LRRC4C: variants seen among roughly 807,000 people sequenced by gnomAD.
LRRC4C encodes leucine-rich repeat-containing protein 4C.
A neutral mutation model predicts 33.6 loss-of-function variants in LRRC4C; 5 were observed. That is an observed-to-expected ratio of 0.15 (90% CI 0.08 to 0.31). The LOEUF is 0.31. Ranked by LOEUF, LRRC4C falls within the 10% of genes least tolerant of loss-of-function variation. The pLI, the probability that LRRC4C is intolerant of heterozygous loss-of-function variation, is 1.00. For missense variants in LRRC4C, 560 were observed against 796.7 expected, an observed-to-expected ratio of 0.70 and a Z score of 3.58; for synonymous variants, 329 against 302.0, an observed-to-expected ratio of 1.09 and a Z score of -0.93.
chr11:40,500,774 C>T (rs1347125972), intron 3 of LRRC4C, among the ~76,000 whole-genome samples: 1 of 152,116 alleles, frequency 6.6e-6, no homozygotes, highest in Non-Finnish European at 1.5e-5. Context: ...TATCATTTCA[C>T]ACCTTGCCCC....
At chr11:40,436,199 C>A (rs1474581666) in intron 3 of LRRC4C, among the ~76,000 whole-genome samples, 3 of 152,094 alleles carry the variant, frequency 2.0e-5, no homozygotes, top group Non-Finnish European at 2.9e-5. Flanking sequence ...CTAACATGAA[C>A]AAAAATTAGC....
At chr11:40,431,841 G>A (rs1021331799) in intron 3 of LRRC4C, among the ~76,000 whole-genome samples, 1 of 152,086 alleles carries the variant, frequency 6.6e-6, no homozygotes, top group Non-Finnish European at 1.5e-5. Context: ...CTACTACGCA[G>A]GACTTTCCTA....
intron 5 of LRRC4C, among the ~76,000 whole-genome samples, chr11:40,149,043 T>G (rs1857976773): frequency 1.3e-5 from 2 of 152,144 alleles, no homozygotes; most frequent in South Asian, 4.1e-4. Context: ...AATGTGTCTG[T>G]TTTTGTACCA....
intron 1 of LRRC4C, among the ~76,000 whole-genome samples, chr11:41,252,958 T>C (rs1948689210): frequency 2.0e-5 from 3 of 152,138 alleles, no homozygotes; most frequent in Admixed American, 2.0e-4. Context: ...ATGTGGGAAT[T>C]ATGGGAGCTA....
chr11:40,774,581 A>G (rs1949902354), intron 2 of LRRC4C, among the ~76,000 whole-genome samples: 1 of 152,306 alleles, frequency 6.6e-6, no homozygotes, highest in South Asian at 2.1e-4. Flanking sequence ...GATTCAATAA[A>G]GTTGAGAGAA....
chr11:40,270,536 AC>A (rs1245681304), intron 4 of LRRC4C, among the ~76,000 whole-genome samples: 1 of 151,924 alleles, frequency 6.6e-6, no homozygotes, highest in African/African-American at 2.4e-5. Context: ...GGTGATCAGG[AC>A]CTCAACCTAT....
At chr11:40,864,140 C>T (rs747055299) in intron 2 of LRRC4C, among the ~76,000 whole-genome samples, 46 of 152,128 alleles carry the variant, frequency 3.0e-4, no homozygotes, top group Non-Finnish European at 4.7e-4. Context: ...ATGATCTCAG[C>T]TCACTGCAAT....
chr11:41,320,404 T>C (rs1017745514), intron 1 of LRRC4C, among the ~76,000 whole-genome samples: 1 of 152,208 alleles, frequency 6.6e-6, no homozygotes, highest in East Asian at 1.9e-4. Flanking sequence ...TTTTTTCAGA[T>C]GGTGACTCAC....
At chr11:40,609,875 G>A (rs951736765) in intron 3 of LRRC4C, among the ~76,000 whole-genome samples, 2 of 151,866 alleles carry the variant, frequency 1.3e-5, no homozygotes, top group Non-Finnish European at 2.9e-5. Context: ...ACGGAAGGAC[G>A]AGTTAGAAGA....
At chr11:40,990,120 A>ATT (rs1254034823) in intron 1 of LRRC4C, among the ~76,000 whole-genome samples, 1 of 150,452 alleles carries the variant, frequency 6.6e-6, no homozygotes, top group Non-Finnish European at 1.5e-5. Flanking sequence ...GGTGATTGTA[A>ATT]TTTCTAGCTA....
chr11:41,429,603 T>A (rs73474127), intron 1 of LRRC4C, among the ~76,000 whole-genome samples: 2,458 of 152,182 alleles, frequency 0.016, 43 homozygotes, highest in African/African-American at 0.05. Flanking sequence ...GATGTGAATG[T>A]GAAAAACCTG....
chr11:40,412,847 G>T (rs1207104177), intron 3 of LRRC4C, among the ~76,000 whole-genome samples: 3 of 152,018 alleles, frequency 2.0e-5, no homozygotes, highest in Non-Finnish European at 4.4e-5. Context: ...AAGGCATTGG[G>T]TTGTTGTGAA....
intron 5 of LRRC4C, among the ~76,000 whole-genome samples, chr11:40,201,186 G>T (rs894160024): frequency 2.0e-5 from 3 of 152,146 alleles, no homozygotes; most frequent in Non-Finnish European, 4.4e-5. Flanking sequence ...AACTTGCCAG[G>T]CTCAGCCTTC....
intron 1 of LRRC4C, among the ~76,000 whole-genome samples, chr11:41,333,301 T>A: frequency 6.6e-6 from 1 of 152,320 alleles, no homozygotes; most frequent in South Asian, 2.1e-4. Flanking sequence ...TTTTCTCCCT[T>A]AATCATACTG....
At chr11:41,156,829 G>A (rs140283895) in intron 1 of LRRC4C, among the ~76,000 whole-genome samples, 19 of 152,158 alleles carry the variant, frequency 1.2e-4, no homozygotes, top group African/African-American at 4.6e-4. Context: ...CAGATATCTG[G>A]CAGTGCTATG....
At chr11:40,617,338 A>C (rs923497811) in intron 3 of LRRC4C, among the ~76,000 whole-genome samples, 4 of 151,624 alleles carry the variant, frequency 2.6e-5, no homozygotes, top group African/African-American at 9.7e-5. Flanking sequence ...CATATCCCTA[A>C]AGTCCTCATT....
At chr11:40,331,284 A>C (rs1946352100) in intron 3 of LRRC4C, among the ~76,000 whole-genome samples, 1 of 152,204 alleles carries the variant, frequency 6.6e-6, no homozygotes, top group South Asian at 2.1e-4. Context: ...CTTGGTATAC[A>C]TCCAAAGCTA....
intron 1 of LRRC4C, among the ~76,000 whole-genome samples, chr11:41,398,832 T>G (rs867322098): frequency 6.6e-6 from 1 of 151,900 alleles, no homozygotes; most frequent in African/African-American, 2.4e-5. Context: ...CTAAGTTTGA[T>G]GTTTAAGATA....
In LRRC4C at chr11:40,906,691, T is replaced by TCC. The variant is rs1430235589; in HGVS notation, c.-407+26943_-407+26944insGG. ...TCCAATATGTCTGAGTATGTTTCCC[T>TCC]CTCTCTCTCTCTCTCTCTGTGTGTG... On this transcript the variant is annotated intron_variant, in intron 2 of 6. Transcript: ENST00000528697. Among the ~76,000 whole-genome samples the TCC allele has an allele frequency of 6.1e-5, 9 of 147,078 alleles. No individual in the cohort carries two copies. The East Asian group carries it at 1.8e-3, about 29-fold the overall frequency.
Sources: gnomAD v4.1 joint callset for allele counts (sites outside exome capture counted in the v4.1 genomes callset) on GRCh38, gnomAD v4.1.1 for gene constraint, MANE v1.5 for transcripts, NCBI Gene and HGNC (gene_info 2026-07-23, HGNC 2026-07-21) for gene names.